Variants in CHD8 observed in about 807,000 individuals in gnomAD.
CHD8 encodes chromodomain helicase DNA binding protein 8.
A neutral mutation model predicts 279.2 loss-of-function variants in CHD8; 31 were observed. That is an observed-to-expected ratio of 0.11 (90% CI 0.08 to 0.15). CHD8 has a LOEUF of 0.15. Among genes scored for constraint, CHD8 ranks in the 10% least tolerant of loss-of-function variants. The pLI, the probability that CHD8 is intolerant of heterozygous loss-of-function variation, is 1.00. For missense variants in CHD8, 2,146 were observed against 3,230.5 expected, an observed-to-expected ratio of 0.66 and a Z score of 8.14; for synonymous variants, 1,081 against 1,139.6, an observed-to-expected ratio of 0.95 and a Z score of 1.04.
At chr14:21,426,506 G>A (rs186522006) in intron 4 of CHD8, 21 of 367,818 alleles carry the variant, frequency 5.7e-5, no homozygotes, top group South Asian at 1.0e-4. Context: ...GGTAGCACAA[G>A]ATAGGAGAAT....
In CHD8 at chr14:21,445,688, C is replaced by CAAAA. The variant is rs747923350; in HGVS notation, c.-216+10340_-216+10343dup. 2.2e-3 allele frequency among the ~76,000 whole-genome samples: 38 copies of CAAAA among 17,262 alleles called. 7 individuals are homozygous for CAAAA. The highest frequency in any genetic ancestry group is 7.2e-3 in the African/African-American group (37 of 5,166). 11.3% of individuals were successfully genotyped at this position (17,262 alleles called of 152,430 possible). A position where few individuals can be genotyped will look rare whatever the true frequency, so the allele number is the denominator to read the frequency against. On this transcript the variant is annotated intron_variant, in intron 1 of 37. Transcript: ENST00000646647. ...CGGGCAACAGAGCAGGATTCGGTCT[C>CAAAA]AAAAAAAAAAAAAAAAAAAAAAAAA...
At chr14:21,401,203 A>G in intron 21 of CHD8, 132 bp from the exon 22 acceptor site, 1 of 911,858 alleles carries the variant, frequency 1.1e-6, no homozygotes. Flanking sequence ...ATGACATGTA[A>G]AATAATCTAC....
At chr14:21,392,000 T>TTAATCTTTACTTTG in intron 34 of CHD8, 54 bp from the exon 35 acceptor site, 1 of 1,312,720 alleles carries the variant, frequency 7.6e-7, no homozygotes, top group Non-Finnish European at 1.1e-6. Context: ...TTTTTCAAAG[T>TTAATCTTTACTTTG]AAAGATTAAG....
At position 21,393,930 on chromosome 14, in the gene CHD8, G is replaced by C; in HGVS notation, c.5865C>G (p.Phe1955Leu). The change falls in exon 32 of 38, where the codon TTC (phenylalanine) becomes TTG (leucine). Residue 1955 changes from phenylalanine to leucine, a missense_variant. Coordinates refer to ENST00000646647, the MANE Select transcript of CHD8 (RefSeq NM_001170629.2). Reference sequence around the variant, plus strand: ...AATTCATACGGGCAGCCAGAAAAGAGAAGTCTGGGTCCTGCATGATGTTGC... The same window carrying C: ...AATTCATACGGGCAGCCAGAAAAGACAAGTCTGGGTCCTGCATGATGTTGC... Reference protein sequence around the residue: ...TDCNIMQDPDFSFLAARMNYM... With the variant: ...TDCNIMQDPDLSFLAARMNYM... 1.2e-6 allele frequency: 2 copies of C among 1,614,022 alleles called. No homozygotes were observed. The highest frequency in any genetic ancestry group is 2.7e-5 in the African/African-American group (2 of 75,054).
Position 21,431,218 on chromosome 14 carries a change from A to G in CHD8, c.426T>C (p.Ala142=). The part of the protein sequence containing the change: ...GNPFMGVSAT[A]VSSSSAGGQP... The stretch of plus-strand genomic sequence containing the variant: ...GCCCTCCAGCACTACTGGAGGAGAC[A>G]GCTGTGGCAGAGACACCCATGAAAG... Residue 142 remains alanine (A), a synonymous_variant, in exon 2 of 38, where the codon GCT becomes GCC. Transcript: ENST00000646647. 1.3e-6 allele frequency: 2 copies of G among 1,599,060 alleles called. No individual in the cohort carries two copies. Among genetic ancestry groups the G allele is most frequent in the Non-Finnish European group, 8.5e-7 (1 of 1,179,628 alleles).
At chr14:21,445,206 T>C (rs1263076429) in intron 1 of CHD8, among the ~76,000 whole-genome samples, 1 of 152,236 alleles carries the variant, frequency 6.6e-6, no homozygotes, top group Non-Finnish European at 1.5e-5. Context: ...CCTAGACTAC[T>C]GCAATTACCT....
Position 21,427,920 on chromosome 14 carries a change from T to C in CHD8, c.1550A>G (p.Lys517Arg), listed in dbSNP as rs775386995. The change falls in exon 4 of 38, where the codon AAG (lysine) becomes AGG (arginine). Residue 517 changes from lysine to arginine, a missense_variant. Coordinates refer to ENST00000646647, the MANE Select transcript of CHD8 (RefSeq NM_001170629.2). ...GGAGGCACCAGATGTTTTACTCTTC[T>C]TTGGCTTCTCCTCTTTCAGCCTCTC... is the stretch of plus-strand genomic sequence containing the variant. ...AGERLKEEKP[K>R]KSKTSGASKT... 2 of 1,614,092 alleles carry C rather than the reference T, an allele frequency of 1.2e-6. No individual in the cohort carries two copies. The highest frequency in any genetic ancestry group is 1.7e-6 in the Non-Finnish European group (2 of 1,179,912).
Position 21,385,942 on chromosome 14 carries a change from T to C in CHD8, c.7417A>G (p.Met2473Val), listed in dbSNP as rs1030452177. Reference protein sequence around the residue: ...SSATSASLPFMPFVMGGAPSS... With the variant: ...SSATSASLPFVPFVMGGAPSS... ...GGTGCACCACCCATCACAAATGGCATAAAAGGCAAAGATGCAGAAGTGGCA... is the reference window on the plus strand; with the variant it reads ...GGTGCACCACCCATCACAAATGGCACAAAAGGCAAAGATGCAGAAGTGGCA... Residue 2473 changes from methionine (M) to valine (V), a missense_variant, in exon 38 of 38, where the codon ATG becomes GTG. Met to Val is a conservative substitution (Grantham distance 21). Transcript: ENST00000646647. 10 of 1,555,598 alleles carry C rather than the reference T, an allele frequency of 6.4e-6. No homozygotes were observed. Among genetic ancestry groups the C allele is most frequent in the Non-Finnish European group, 8.7e-6 (10 of 1,149,008 alleles).
At chr14:21,387,639 A>AG (rs1491102048) in intron 37 of CHD8, among the ~76,000 whole-genome samples, 1 of 41,692 alleles carries the variant, frequency 2.4e-5, no homozygotes, top group Non-Finnish European at 5.1e-5. Flanking sequence ...ACTCTGTATC[A>AG]AAAAAAAAAA....
intron 32 of CHD8, 81 bp from the exon 33 acceptor site, chr14:21,393,335 TA>T (rs1042223359): frequency 4.9e-5 from 77 of 1,566,396 alleles, no homozygotes; most frequent in African/African-American, 6.8e-5. Context: ...GGGCTTTGAA[TA>T]AAGGCCCAAA....
chr14:21,404,565 T>C (rs1426791773), intron 16 of CHD8, among the ~76,000 whole-genome samples: 2 of 151,978 alleles, frequency 1.3e-5, no homozygotes, highest in African/African-American at 4.8e-5. Context: ...AACAGCAAAA[T>C]GGAGTGTCGA....
intron 36 of CHD8, 43 bp from the exon 37 acceptor site, chr14:21,391,106 T>C: frequency 8.4e-7 from 1 of 1,193,930 alleles, no homozygotes; most frequent in East Asian, 2.5e-5. Flanking sequence ...ATAGAAATCT[T>C]CTCTGGAGTA....
In CHD8 at chr14:21,386,654, G is replaced by A. The variant is rs189699943; in HGVS notation, c.7183-478C>T. 3.9e-5 allele frequency among the ~76,000 whole-genome samples: 6 copies of A among 152,120 alleles called. No individual in the cohort carries two copies. The East Asian group carries it at 5.8e-4, about 15-fold the overall frequency. ...AGATCGAGACCATCCTGGCTAACACGGTGAAACCCGGTCTCTACTAAAAAT... is the reference window on the plus strand; with the variant it reads ...AGATCGAGACCATCCTGGCTAACACAGTGAAACCCGGTCTCTACTAAAAAT... On this transcript the variant is annotated intron_variant, in intron 37 of 37. Coordinates refer to ENST00000646647, the MANE Select transcript of CHD8 (RefSeq NM_001170629.2).
At chr14:21,446,787 A>T (rs1303666129) in intron 1 of CHD8, among the ~76,000 whole-genome samples, 1 of 152,178 alleles carries the variant, frequency 6.6e-6, no homozygotes, top group Non-Finnish European at 1.5e-5. Flanking sequence ...ACCTTACTAT[A>T]CTATGCTCTA....
intron 1 of CHD8, among the ~76,000 whole-genome samples, chr14:21,437,741 T>C (rs1889847363): frequency 6.6e-6 from 1 of 152,152 alleles, no homozygotes; most frequent in Non-Finnish European, 1.5e-5. Context: ...AGCTGGAATA[T>C]GGGGCCTTTT....
At chr14:21,388,868 C>G (rs1461382558) in intron 37 of CHD8, among the ~76,000 whole-genome samples, 1 of 152,020 alleles carries the variant, frequency 6.6e-6, no homozygotes, top group Admixed American at 6.6e-5. Context: ...TCACAGATAC[C>G]AAGGGATGAC....
intron 5 of CHD8, among the ~76,000 whole-genome samples, chr14:21,420,746 T>G (rs1170738189): frequency 6.6e-6 from 1 of 152,116 alleles, no homozygotes; most frequent in East Asian, 1.9e-4. Flanking sequence ...GGCTACCTGT[T>G]GTAATTTTTC....
In CHD8 at chr14:21,405,444, A is replaced by T; in HGVS notation, c.3072T>A (p.Ile1024=). 1 of 1,602,330 alleles carries T rather than the reference A, an allele frequency of 6.2e-7. No individual in the cohort carries two copies. The highest frequency in any genetic ancestry group is 1.7e-5 in the Admixed American group (1 of 57,738). ...TEEQVQKLQA[I]LKPMMLRRLK... ...GTCTTCTCAGCATCATTGGCTTAAG[A>T]ATGGCCTGTAGCTTTTGAACCTGTG... The change falls in exon 16 of 38, where the codon ATT becomes ATA. Residue 1024 remains isoleucine, a synonymous_variant. Transcript: ENST00000646647. This position sits in a 1 kb window ranked among gnomAD's most constrained non-coding sequence, Gnocchi z 4.2.
chr14:21,428,230 A>G lies in CHD8; in HGVS notation c.1240T>C (p.Ser414Pro), dbSNP rs1382376385. 1 of 1,613,986 alleles carries G rather than the reference A, an allele frequency of 6.2e-7. No homozygotes were observed. Among genetic ancestry groups the G allele is most frequent in the Non-Finnish European group, 8.5e-7 (1 of 1,179,856 alleles). The change falls in exon 4 of 38, where the codon TCT (serine) becomes CCT (proline). Residue 414 changes from serine to proline, a missense_variant. By Grantham distance (74) the Ser-to-Pro change is moderately conservative. This residue lies in a region of CHD8 where 170 missense variants were observed against 189.9 expected (regional missense o/e 0.90). Coordinates refer to ENST00000646647, the MANE Select transcript of CHD8 (RefSeq NM_001170629.2). ...PQAGSSQGASSGLSVVKVLSA... is the reference protein window; with the variant it reads ...PQAGSSQGASPGLSVVKVLSA... ...AGAACTTTAACTACAGAGAGCCCAG[A>G]AGAGGCCCCTTGGGAAGAGCCAGCC... is the stretch of plus-strand genomic sequence containing the variant.
Sources: gnomAD v4.1 joint callset for allele counts (sites outside exome capture counted in the v4.1 genomes callset) on GRCh38, gnomAD v4.1.1 for gene constraint, gnomAD v4.1.1 regional missense constraint, Gnocchi (gnomAD v3.1) non-coding constraint, MANE v1.5 for transcripts, NCBI Gene and HGNC (gene_info 2026-07-23, HGNC 2026-07-21) for gene names.